The following DCLK1 variants were observed in gnomAD, a reference collection of about 807,000 sequenced individuals.
DCLK1 encodes serine/threonine-protein kinase DCLK1.
Under a neutral mutation model 86.2 loss-of-function variants are expected in DCLK1, and 16 were observed. The observed-to-expected ratio is 0.19, with a 90% CI of 0.13 to 0.28. DCLK1 has a LOEUF of 0.28. DCLK1 is among the 10% of genes least tolerant of loss of function. DCLK1 has a pLI of 1.00. For missense variants in DCLK1, 590 were observed against 940.2 expected (o/e 0.63, Z 4.87); for synonymous variants, 369 against 370.5 (o/e 1.00, Z 0.05).
chr13:35,861,503 A>G (rs771127010), intron 5 of DCLK1, among the ~76,000 whole-genome samples: 1 of 152,064 alleles, frequency 6.6e-6, no homozygotes, highest in Non-Finnish European at 1.5e-5. Context: ...ACCACCAAAA[A>G]TCACACTCCC....
intron 4 of DCLK1, among the ~76,000 whole-genome samples, chr13:35,880,041 G>A (rs1035617862): frequency 2.0e-5 from 3 of 152,120 alleles, no homozygotes; most frequent in African/African-American, 2.4e-5. Flanking sequence ...CTTCCTCCAC[G>A]CTGTTAATGA....
intron 3 of DCLK1, among the ~76,000 whole-genome samples, chr13:36,095,397 G>C (rs114785440): frequency 0.041 from 6,238 of 151,882 alleles, 142 homozygotes; most frequent in African/African-American, 0.07. Context: ...AGTAGAGACG[G>C]GTTTCACTGT....
At chr13:36,093,775 A>G (rs1306895546) in intron 3 of DCLK1, among the ~76,000 whole-genome samples, 1 of 152,160 alleles carries the variant, frequency 6.6e-6, no homozygotes, top group Admixed American at 6.5e-5. Context: ...TTTAAAATAA[A>G]ATATTTAAAA....
At chr13:35,779,275 C>A (rs1361818385) in intron 16 of DCLK1, among the ~76,000 whole-genome samples, 6 of 152,166 alleles carry the variant, frequency 3.9e-5, no homozygotes, top group Non-Finnish European at 7.3e-5. Flanking sequence ...TGCGCCCGGC[C>A]AATTTATTTA....
intron 3 of DCLK1, among the ~76,000 whole-genome samples, chr13:36,074,500 AAAAAAAAAAAAAAAAAACAG>A (rs1884105489): frequency 1.2e-5 from 1 of 83,698 alleles, no homozygotes. Context: ...AAAAAAAAAA[AAAAAAAAAAAAAAAAAACAG>A]AGAAGACAAT....
intron 3 of DCLK1, among the ~76,000 whole-genome samples, chr13:35,952,246 C>A (rs1179569006): frequency 6.6e-6 from 1 of 152,134 alleles, no homozygotes; most frequent in African/African-American, 2.4e-5. Context: ...TACCAACATG[C>A]TTCTTTTCTA....
intron 6 of DCLK1, chr13:35,846,788 A>C (rs556108971): frequency 6.1e-6 from 6 of 985,244 alleles, no homozygotes; most frequent in Non-Finnish European, 7.2e-6. Context: ...ATGTATGCAT[A>C]TATAGTAAAT....
chr13:35,968,277 T>C (rs1341797591), intron 3 of DCLK1, among the ~76,000 whole-genome samples: 3 of 152,114 alleles, frequency 2.0e-5, no homozygotes, highest in Non-Finnish European at 4.4e-5. Flanking sequence ...GCAGCTTCAG[T>C]TGAAGAAGAT....
At chr13:35,835,248 C>G (rs1448506730) in intron 8 of DCLK1, among the ~76,000 whole-genome samples, 5 of 152,222 alleles carry the variant, frequency 3.3e-5, no homozygotes, top group African/African-American at 1.2e-4. Flanking sequence ...CCCCCCAGTC[C>G]AGCCCCCAGA....
chr13:35,894,495 T>C (rs1002215195), intron 4 of DCLK1, among the ~76,000 whole-genome samples: 2 of 152,126 alleles, frequency 1.3e-5, no homozygotes, highest in African/African-American at 4.8e-5. Context: ...GGAAAGCTAA[T>C]ATGCACTGGG....
rs112084750 is a variant in DCLK1 at position 35,825,529 on chromosome 13, C to T, written c.1407+2106G>A. Among the ~76,000 whole-genome samples, 523 of 152,216 alleles carry T rather than the reference C, an allele frequency of 3.4e-3. 2 individuals carry two copies. Among genetic ancestry groups the T allele is most frequent in the African/African-American group, 0.012 (490 of 41,546 alleles). On this transcript the variant is annotated intron_variant, in intron 10 of 16. Coordinates refer to ENST00000360631, the MANE Select transcript of DCLK1 (RefSeq NM_001330071.2). ...TTCTCACCAAATGCGTTCAGAGTGC[C>T]TAAGCCTTTGCCATCTTGAAATTTC... is the stretch of plus-strand genomic sequence containing the variant.
chr13:35,960,781 A>G (rs9565712), intron 3 of DCLK1, among the ~76,000 whole-genome samples: 12 of 152,074 alleles, frequency 7.9e-5, no homozygotes, highest in Non-Finnish European at 1.2e-4. Context: ...GCTTTCCACA[A>G]ATAATTTCTA....
At chr13:35,966,406 A>G (rs1878732888) in intron 3 of DCLK1, among the ~76,000 whole-genome samples, 1 of 152,202 alleles carries the variant, frequency 6.6e-6, no homozygotes, top group African/African-American at 2.4e-5. Flanking sequence ...TTGATGGATG[A>G]ATGGATAAAC....
chr13:35,798,112 A>G (rs1262537774), intron 15 of DCLK1, among the ~76,000 whole-genome samples: 2 of 152,196 alleles, frequency 1.3e-5, no homozygotes, highest in African/African-American at 4.8e-5. Context: ...ATTGCAACTG[A>G]CACGAACAAA....
At chr13:36,108,517 C>T (rs931017954) in intron 3 of DCLK1, among the ~76,000 whole-genome samples, 8 of 152,146 alleles carry the variant, frequency 5.3e-5, no homozygotes, top group African/African-American at 4.8e-5. Flanking sequence ...CTGTGCCCTC[C>T]GGTGTCCGTC....
chr13:35,802,817 T>C (rs532567957), intron 15 of DCLK1, among the ~76,000 whole-genome samples: 1 of 152,246 alleles, frequency 6.6e-6, no homozygotes, highest in South Asian at 2.1e-4. Context: ...ATTGAACCTT[T>C]GGCACTAGGA....
chr13:35,867,957 GAA>G (rs1491190951), intron 5 of DCLK1, among the ~76,000 whole-genome samples: 224 of 144,486 alleles, frequency 1.6e-3, no homozygotes, highest in African/African-American at 2.0e-3. Context: ...AAGAAAGAAA[GAA>G]AGAAAGAGAA....
chr13:35,949,345 T>C (rs1047210961), intron 3 of DCLK1, among the ~76,000 whole-genome samples: 1 of 152,224 alleles, frequency 6.6e-6, no homozygotes, highest in Non-Finnish European at 1.5e-5. Context: ...CACAGCATCA[T>C]GCAGACAGAT....
At chr13:35,867,645 A>G (rs1483492369) in intron 5 of DCLK1, among the ~76,000 whole-genome samples, 1 of 152,178 alleles carries the variant, frequency 6.6e-6, no homozygotes, top group Admixed American at 6.5e-5. Context: ...ATATTCGCCT[A>G]TCTTCTTGAG....
Sources: allele counts gnomAD v4.1 joint callset (sites outside exome capture counted in the v4.1 genomes callset), GRCh38; gene constraint gnomAD v4.1.1; transcripts MANE v1.5; gene names NCBI Gene and HGNC (gene_info 2026-07-23, HGNC 2026-07-21).